Variants in AFF1 observed in about 807,000 individuals in gnomAD.
AFF1 encodes the protein AF4/FMR2 family member 1.
AFF1 carries 48 observed loss-of-function variants against 121.7 expected under a neutral mutation model. The ratio of observed to expected loss-of-function variants is 0.39; its 90% CI spans 0.31 to 0.50. The LOEUF is 0.50. Ranked by LOEUF, AFF1 falls within the 20% of genes least tolerant of loss-of-function variation. The probability of loss-of-function intolerance (pLI) is 0.76; values close to 1 mark genes in which losing one functional copy is unlikely to be tolerated. For synonymous variants in AFF1, 613 were observed against 563.0 expected, an observed-to-expected ratio of 1.09 and a Z score of -1.26; for missense variants, 1,523 against 1,511.7, an observed-to-expected ratio of 1.01 and a Z score of -0.12.
chr4:87,003,887 T>TA (rs1689545323), intron 2 of AFF1, among the ~76,000 whole-genome samples: 1 of 152,226 alleles, frequency 6.6e-6, no homozygotes. Flanking sequence ...ATAGATTTCT[T>TA]ACAAATGAAA....
chr4:86,952,066 T>C (rs952292372), intron 2 of AFF1, among the ~76,000 whole-genome samples: 1 of 152,204 alleles, frequency 6.6e-6, no homozygotes, highest in African/African-American at 2.4e-5. Flanking sequence ...TTTTGCTCCA[T>C]TGATGTGTCT....
chr4:87,098,192 A>G (rs1295412111), intron 8 of AFF1, among the ~76,000 whole-genome samples: 1 of 152,148 alleles, frequency 6.6e-6, no homozygotes, highest in Non-Finnish European at 1.5e-5. Flanking sequence ...ATTAACTCAG[A>G]TATGGTTAGG....
intron 2 of AFF1, among the ~76,000 whole-genome samples, 184 bp from the exon 3 acceptor site, chr4:87,045,982 C>G (rs544433363): frequency 5.3e-5 from 8 of 152,240 alleles, no homozygotes; most frequent in African/African-American, 1.7e-4. Context: ...AGGGTCACAG[C>G]CAAGTGACTG....
intron 2 of AFF1, among the ~76,000 whole-genome samples, chr4:86,952,219 C>T (rs1721402400): frequency 6.6e-6 from 1 of 152,084 alleles, no homozygotes; most frequent in African/African-American, 2.4e-5. Context: ...TCATCATTTT[C>T]TAGAAAATTT....
chr4:87,023,239 C>A (rs1361516696), intron 2 of AFF1, among the ~76,000 whole-genome samples: 1 of 152,128 alleles, frequency 6.6e-6, no homozygotes, highest in Non-Finnish European at 1.5e-5. Flanking sequence ...TCAATGTTAT[C>A]TTAAAATTAG....
intron 2 of AFF1, among the ~76,000 whole-genome samples, chr4:86,962,324 C>T (rs190781999): frequency 1.8e-4 from 28 of 151,920 alleles, no homozygotes; most frequent in Admixed American, 3.9e-4. Context: ...AATTGTATCC[C>T]CATGAGACAG....
At chr4:87,118,309 C>CGT (rs1553935429) in intron 12 of AFF1, among the ~76,000 whole-genome samples, 3 of 151,578 alleles carry the variant, frequency 2.0e-5, no homozygotes, top group African/African-American at 7.3e-5. Context: ...GAAATGCACA[C>CGT]GTTTTTTTAC....
At chr4:87,085,751 C>CTTTTTT (rs200938461) in intron 5 of AFF1, among the ~76,000 whole-genome samples, 1 of 139,088 alleles carries the variant, frequency 7.2e-6, no homozygotes, top group Admixed American at 7.2e-5. Flanking sequence ...AGAAACATAC[C>CTTTTTT]TTTTTTTTTT....
chr4:87,094,885 G>T (rs769584732), intron 7 of AFF1, 30 bp from the exon 8 acceptor site: 3 of 1,607,146 alleles, frequency 1.9e-6, no homozygotes, highest in Non-Finnish European at 2.6e-6. Context: ...ATGTGTCATT[G>T]TGCTGCTTTG....
At chr4:87,057,059 T>C (rs1374102917) in intron 4 of AFF1, among the ~76,000 whole-genome samples, 3 of 152,236 alleles carry the variant, frequency 2.0e-5, no homozygotes, top group African/African-American at 7.2e-5. Context: ...CTACATTATA[T>C]TGCCTTTCAA....
Position 86,978,999 on chromosome 4 carries a change from C to G in AFF1, c.38+30428C>G, listed in dbSNP as rs576896285. Among the ~76,000 whole-genome samples, 399 of 152,280 alleles carry G rather than the reference C, an allele frequency of 2.6e-3. 4 individuals carry two copies. Among genetic ancestry groups the G allele is most frequent in the South Asian group, 7.3e-3 (35 of 4,820 alleles). On this transcript the variant is annotated intron_variant, in intron 2 of 20. Transcript: ENST00000395146. ...CCAGAAAACTATTCCTCTAGTGGTC[C>G]AATGAAGTGTTCCCCATTGAAAGTT... is the stretch of plus-strand genomic sequence containing the variant.
chr4:86,982,719 G>A (rs1372944273), intron 2 of AFF1, among the ~76,000 whole-genome samples: 2 of 151,660 alleles, frequency 1.3e-5, no homozygotes, highest in East Asian at 1.9e-4. Flanking sequence ...GTGGTGGCAG[G>A]TCTCTGTAAT....
intron 1 of AFF1, among the ~76,000 whole-genome samples, chr4:86,938,503 TAC>T (rs1720216332): frequency 6.7e-6 from 1 of 149,370 alleles, no homozygotes; most frequent in Non-Finnish European, 1.5e-5. Context: ...ACCATAAATA[TAC>T]AGAGTTTGAT....
intron 1 of AFF1, among the ~76,000 whole-genome samples, chr4:86,937,345 C>T (rs1044355294): frequency 6.6e-6 from 1 of 152,202 alleles, no homozygotes; most frequent in Non-Finnish European, 1.5e-5. Context: ...CTCCTACATG[C>T]GTAACAGGCA....
chr4:87,074,867 A>C (rs1437661851), intron 4 of AFF1, among the ~76,000 whole-genome samples: 1 of 152,214 alleles, frequency 6.6e-6, no homozygotes, highest in Non-Finnish European at 1.5e-5. Flanking sequence ...GAGTGTTTAC[A>C]ATTATACATG....
At chr4:87,127,571 T>G in intron 15 of AFF1, 72 bp from the exon 16 acceptor site, 1 of 1,429,608 alleles carries the variant, frequency 7.0e-7, no homozygotes, top group Non-Finnish European at 9.9e-7. Context: ...TTTTTCACTC[T>G]TGGTCTTATC....
chr4:87,019,732 T>C (rs1463990995), intron 2 of AFF1, among the ~76,000 whole-genome samples: 1 of 152,218 alleles, frequency 6.6e-6, no homozygotes, highest in East Asian at 1.9e-4. Context: ...CTTTGTAATG[T>C]CCTTTACAAT....
intron 4 of AFF1, among the ~76,000 whole-genome samples, chr4:87,079,260 G>A (rs1364791832): frequency 1.3e-5 from 2 of 152,324 alleles, no homozygotes; most frequent in East Asian, 3.9e-4. Flanking sequence ...CCCAGTCTCA[G>A]TGGCATGTTT....
At chr4:87,039,108 C>T (rs1246140898) in intron 2 of AFF1, among the ~76,000 whole-genome samples, 2 of 152,196 alleles carry the variant, frequency 1.3e-5, no homozygotes, top group African/African-American at 2.4e-5. Flanking sequence ...GATACCAGAG[C>T]CAACACACTG....
Sources: allele counts gnomAD v4.1 joint callset (sites outside exome capture counted in the v4.1 genomes callset), GRCh38; gene constraint gnomAD v4.1.1; transcripts MANE v1.5; gene names NCBI Gene and HGNC (gene_info 2026-07-23, HGNC 2026-07-21).